MGAT4A: variants seen among roughly 807,000 people sequenced by gnomAD.
MGAT4A encodes alpha-1,3-mannosyl-glycoprotein 4-beta-N-acetylglucosaminyltransferase A, also known as N-acetylglucosaminyltransferase IVa.
In MGAT4A, 33 loss-of-function variants were observed where a neutral mutation model predicts 74.1. The observed-to-expected ratio is 0.45, with a 90% confidence interval of 0.34 to 0.60. MGAT4A has a LOEUF of 0.60. Among genes scored for constraint, MGAT4A ranks in the 20% least tolerant of loss-of-function variants. The probability of loss-of-function intolerance (pLI) is 0.02; values close to 1 mark genes in which losing one functional copy is unlikely to be tolerated. For missense variants in MGAT4A, 479 were observed against 628.3 expected (o/e 0.76, Z 2.54); for synonymous variants, 198 against 210.4 (o/e 0.94, Z 0.51).
At chr2:98,701,517 C>T (rs1357691636) in intron 2 of MGAT4A, among the ~76,000 whole-genome samples, 1 of 152,168 alleles carries the variant, frequency 6.6e-6, no homozygotes, top group African/African-American at 2.4e-5. Context: ...TTAAGAATAC[C>T]TCAAACAGAT....
At chr2:98,682,389 TC>T (rs1303900799) in intron 2 of MGAT4A, among the ~76,000 whole-genome samples, 2 of 115,798 alleles carry the variant, frequency 1.7e-5, no homozygotes, top group African/African-American at 6.8e-5. Context: ...GCCATTGCAC[TC>T]CAGCCTGGGC....
chr2:98,659,162 G>A (rs1017035591), intron 5 of MGAT4A, among the ~76,000 whole-genome samples: 1 of 152,164 alleles, frequency 6.6e-6, no homozygotes, highest in African/African-American at 2.4e-5. Context: ...GTCTAACAGA[G>A]ATAAACATCA....
intron 3 of MGAT4A, among the ~76,000 whole-genome samples, chr2:98,675,672 T>C (rs939820331): frequency 6.6e-6 from 1 of 151,960 alleles, no homozygotes; most frequent in Non-Finnish European, 1.5e-5. Context: ...CTCAGCCTCC[T>C]GAGTACCTGG....
chr2:98,650,862 G>A (rs1701565636), intron 8 of MGAT4A, among the ~76,000 whole-genome samples: 1 of 152,040 alleles, frequency 6.6e-6, no homozygotes, highest in Admixed American at 6.5e-5. Flanking sequence ...GAGGCAGAAT[G>A]GCGTGAACCC....
At chr2:98,674,160 A>G (rs539466559) in intron 4 of MGAT4A, among the ~76,000 whole-genome samples, 12 of 152,234 alleles carry the variant, frequency 7.9e-5, no homozygotes, top group Admixed American at 6.5e-4. Flanking sequence ...GATCCCCCAA[A>G]TAAGACAGCA....
chr2:98,713,185 CAAAAAAAAAAAAAA>C (rs139508612), intron 2 of MGAT4A, among the ~76,000 whole-genome samples: 3 of 54,222 alleles, frequency 5.5e-5, no homozygotes, highest in African/African-American at 6.7e-5. Context: ...GATCATGTCT[CAAAAAAAAAAAAAA>C]AAAAAAAAAA....
At chr2:98,652,209 G>A (rs1233978478) in intron 8 of MGAT4A, among the ~76,000 whole-genome samples, 2 of 151,976 alleles carry the variant, frequency 1.3e-5, no homozygotes, top group African/African-American at 2.4e-5. Flanking sequence ...ATAATCAAAC[G>A]GACCCGACAG....
At chr2:98,680,022 A>G (rs1175890171) in intron 2 of MGAT4A, among the ~76,000 whole-genome samples, 2 of 151,676 alleles carry the variant, frequency 1.3e-5, no homozygotes, top group Non-Finnish European at 2.9e-5. Flanking sequence ...TTTGACACCT[A>G]AACAAACCTT....
At chr2:98,704,144 G>A (rs1034242005) in intron 2 of MGAT4A, among the ~76,000 whole-genome samples, 3 of 152,112 alleles carry the variant, frequency 2.0e-5, no homozygotes, top group Non-Finnish European at 4.4e-5. Flanking sequence ...CCTAGTACAC[G>A]CTCAATAAAC....
At chr2:98,710,721 C>A (rs533208447) in intron 2 of MGAT4A, among the ~76,000 whole-genome samples, 1 of 152,260 alleles carries the variant, frequency 6.6e-6, no homozygotes, top group South Asian at 2.1e-4. Context: ...AGTGATCTAC[C>A]AAAGTGCTGG....
In MGAT4A at chr2:98,652,923, C is replaced by T. The variant is rs144602215; in HGVS notation, c.774+2522G>A. The stretch of plus-strand genomic sequence containing the variant: ...TACAGGTGTGAGCCAGTGCCGCCCA[C>T]CAACAAATTTAAGAAGACTAAAACT... On this transcript the variant is annotated intron_variant, in intron 8 of 15. Transcript: ENST00000393487. 4.6e-3 allele frequency among the ~76,000 whole-genome samples: 701 copies of T among 152,210 alleles called. 3 individuals carry two copies. The highest frequency in any genetic ancestry group is 0.02 in the Middle Eastern group (6 of 294).
intron 2 of MGAT4A, chr2:98,726,005 C>G (rs145877200): frequency 6.3e-4 from 297 of 472,296 alleles, no homozygotes; most frequent in African/African-American, 5.2e-3. Flanking sequence ...TGATCAGTAT[C>G]TGTTTCTCCA....
chr2:98,726,502 G>T lies in MGAT4A; in HGVS notation c.-170C>A. On this transcript the variant is annotated 5_prime_UTR_variant, in exon 2 of 16. Transcript: ENST00000393487. ...GCAGGAGGAGCCTAGCAGCAATGCTGTTCACAACTGTACTCGGGATCGTCT... is the reference window on the plus strand; with the variant it reads ...GCAGGAGGAGCCTAGCAGCAATGCTTTTCACAACTGTACTCGGGATCGTCT... 1 of 535,446 alleles carries T rather than the reference G, an allele frequency of 1.9e-6. No homozygotes were observed. Among genetic ancestry groups the T allele is most frequent in the Non-Finnish European group, 3.3e-6 (1 of 301,114 alleles). 33.2% of individuals were successfully genotyped at this position (535,446 alleles called of 1,614,324 possible).
intron 5 of MGAT4A, 141 bp downstream of exon 5, chr2:98,662,905 T>C: frequency 1.8e-6 from 1 of 557,592 alleles, no homozygotes. Flanking sequence ...TACATTAAAC[T>C]ACCAGATAGA....
Position 98,715,059 on chromosome 2 carries a change from T to C in MGAT4A, c.94+11180A>G, listed in dbSNP as rs548762153. Among the ~76,000 whole-genome samples, 9 of 152,212 alleles carry C rather than the reference T, an allele frequency of 5.9e-5. No homozygotes were observed. In the South Asian group the frequency reaches 1.9e-3, roughly 32 times the overall value. On this transcript the variant is annotated intron_variant, in intron 2 of 15. Transcript: ENST00000393487. ...GGCTGGGCGTGGTGACTCAAGCCTG[T>C]GATCCCAGCACTTTGGGAGGCTGAG... is the stretch of plus-strand genomic sequence containing the variant.
intron 2 of MGAT4A, among the ~76,000 whole-genome samples, chr2:98,722,228 G>C (rs974492808): frequency 3.9e-5 from 6 of 152,172 alleles, no homozygotes; most frequent in African/African-American, 7.2e-5. Context: ...ATTCATAATA[G>C]CCAAAACGTA....
Position 98,623,872 on chromosome 2 carries a change from T to C in MGAT4A, c.*1694A>G. 6.1e-6 allele frequency: 6 copies of C among 985,468 alleles called. No individual in the cohort carries two copies. Among genetic ancestry groups the C allele is most frequent in the Non-Finnish European group, 7.2e-6 (6 of 829,974 alleles). The allele number at this position is 985,468 out of a possible 1,614,324, so 61.0% of individuals were successfully genotyped here. ...AGGCTAGAGGCAGCCAGCTGGAACC[T>C]TGCCCCAGCGCTAGGCCCCAGCCAG... On this transcript the variant is annotated 3_prime_UTR_variant, in exon 16 of 16. Transcript: ENST00000393487.
intron 8 of MGAT4A, among the ~76,000 whole-genome samples, chr2:98,654,256 C>T (rs1354884012): frequency 1.3e-5 from 2 of 152,060 alleles, no homozygotes; most frequent in African/African-American, 4.8e-5. Flanking sequence ...AGAAGCAGGG[C>T]AAGGAGTCCC....
intron 14 of MGAT4A, among the ~76,000 whole-genome samples, chr2:98,633,025 T>C (rs1701264914): frequency 6.6e-6 from 1 of 152,224 alleles, no homozygotes; most frequent in Non-Finnish European, 1.5e-5. Flanking sequence ...CCCAAAGTGC[T>C]GAGATTACAG....
Sources: gnomAD v4.1 joint callset for allele counts (sites outside exome capture counted in the v4.1 genomes callset) on GRCh38, gnomAD v4.1.1 for gene constraint, MANE v1.5 for transcripts, NCBI Gene and HGNC (gene_info 2026-07-23, HGNC 2026-07-21) for gene names.